The following GBE1 variants were observed in gnomAD, a reference collection of about 807,000 sequenced individuals.
GBE1 encodes the protein 1,4-alpha-glucan branching enzyme 1, also known as 1,4-alpha-glucan-branching enzyme.
A neutral mutation model predicts 88.8 loss-of-function variants in GBE1; 70 were observed. The observed-to-expected ratio is 0.79, with a 90% CI of 0.65 to 0.96. The LOEUF is 0.96. GBE1 is among the 40% of genes least tolerant of loss of function. GBE1 has a pLI of 0.00. For synonymous variants in GBE1, 284 were observed against 300.1 expected (o/e 0.95, Z 0.56); for missense variants, 872 against 871.0 (o/e 1.00, Z -0.01).
intron 1 of GBE1, among the ~76,000 whole-genome samples, chr3:81,716,903 C>T (rs562828850): frequency 5.9e-5 from 9 of 152,270 alleles, no homozygotes; most frequent in African/African-American, 2.2e-4. Context: ...GCCTAACAAA[C>T]GCTCACACAT....
chr3:81,581,653 GT>G lies in GBE1; in HGVS notation c.1336-379del, dbSNP rs373650569. Among the ~76,000 whole-genome samples the G allele has an allele frequency of 3.3e-3, 506 of 152,008 alleles. 2 individuals are homozygous for G. The highest frequency in any genetic ancestry group is 0.012 in the African/African-American group (485 of 41,466). Reference sequence around the variant, plus strand: ...ACTTGTACATGGTAGAGATACACTTGTTATATTTATTTGTTTATATGAAAAA... The same window carrying G: ...ACTTGTACATGGTAGAGATACACTTGTATATTTATTTGTTTATATGAAAAA... On this transcript the variant is annotated intron_variant, in intron 10 of 15. Coordinates refer to ENST00000429644, the MANE Select transcript of GBE1 (RefSeq NM_000158.4).
At chr3:81,664,350 G>A (rs1021921528) in intron 3 of GBE1, among the ~76,000 whole-genome samples, 2 of 151,508 alleles carry the variant, frequency 1.3e-5, no homozygotes, top group South Asian at 4.2e-4. Context: ...CAAAGCTGGA[G>A]GCAGAACCTG....
intron 12 of GBE1, among the ~76,000 whole-genome samples, chr3:81,557,898 G>A (rs557263490): frequency 6.6e-6 from 1 of 152,006 alleles, no homozygotes; most frequent in African/African-American, 2.4e-5. Context: ...AACCTGAGGA[G>A]TCAAACTGAA....
intron 12 of GBE1, among the ~76,000 whole-genome samples, chr3:81,559,514 T>C (rs1346701784): frequency 6.6e-6 from 1 of 152,002 alleles, no homozygotes; most frequent in Non-Finnish European, 1.5e-5. Flanking sequence ...CAAATACTAT[T>C]GCATATCTGT....
At chr3:81,652,326 C>T (rs1383811546) in intron 3 of GBE1, among the ~76,000 whole-genome samples, 1 of 152,096 alleles carries the variant, frequency 6.6e-6, no homozygotes, top group South Asian at 2.1e-4. Flanking sequence ...GGGCCAGAAT[C>T]GACAATATGG....
chr3:81,556,052 T>C (rs1703343961), intron 12 of GBE1, among the ~76,000 whole-genome samples: 1 of 152,140 alleles, frequency 6.6e-6, no homozygotes, highest in Non-Finnish European at 1.5e-5. Flanking sequence ...CCTTACTTTG[T>C]ACAGTGAGAT....
chr3:81,719,541 A>C (rs1353876128), intron 1 of GBE1, among the ~76,000 whole-genome samples: 1 of 152,184 alleles, frequency 6.6e-6, no homozygotes, highest in Non-Finnish European at 1.5e-5. Context: ...ACAGTCAACA[A>C]AGAGAAAGAG....
chr3:81,714,751 T>C (rs185464427), intron 1 of GBE1, among the ~76,000 whole-genome samples: 1 of 152,298 alleles, frequency 6.6e-6, no homozygotes, highest in East Asian at 1.9e-4. Flanking sequence ...AAGCATTTAT[T>C]TCTTATAGTT....
intron 15 of GBE1, among the ~76,000 whole-genome samples, chr3:81,491,681 T>C (rs2639611): frequency 0.67 from 101,695 of 151,934 alleles, 34,879 homozygotes; most frequent in South Asian, 0.84. Flanking sequence ...TATTTTACTA[T>C]TTTCAGTCAC....
At chr3:81,644,172 A>G (rs1019734169) in intron 6 of GBE1, among the ~76,000 whole-genome samples, 1 of 152,202 alleles carries the variant, frequency 6.6e-6, no homozygotes, top group Non-Finnish European at 1.5e-5. Flanking sequence ...AGCGAAAAAA[A>G]TAAACACCAC....
intron 10 of GBE1, 65 bp downstream of exon 10, chr3:81,586,027 A>C (rs1298865273): frequency 3.3e-6 from 3 of 895,560 alleles, no homozygotes; most frequent in Non-Finnish European, 5.3e-6. Context: ...ACTAAGAAAT[A>C]AATTAAAGAT....
chr3:81,674,521 A>G (rs1176020492), intron 2 of GBE1, among the ~76,000 whole-genome samples: 1 of 151,968 alleles, frequency 6.6e-6, no homozygotes, highest in Non-Finnish European at 1.5e-5. Flanking sequence ...ACCTCAAATT[A>G]TTGGTATAAA....
intron 12 of GBE1, among the ~76,000 whole-genome samples, chr3:81,573,065 G>A (rs1186811608): frequency 2.0e-5 from 3 of 151,552 alleles, no homozygotes; most frequent in Non-Finnish European, 4.4e-5. Flanking sequence ...TTTTGAACAC[G>A]AAGCATACTT....
At chr3:81,760,740 C>G (rs1419999839) in intron 1 of GBE1, among the ~76,000 whole-genome samples, 1 of 152,188 alleles carries the variant, frequency 6.6e-6, no homozygotes, top group Non-Finnish European at 1.5e-5. Flanking sequence ...TCTCCCTCTT[C>G]AAGATGGTTA....
intron 1 of GBE1, among the ~76,000 whole-genome samples, chr3:81,751,710 C>A (rs1263514958): frequency 6.6e-6 from 1 of 152,114 alleles, no homozygotes; most frequent in African/African-American, 2.4e-5. Flanking sequence ...TCTTCACAAG[C>A]CTCTATTTCT....
At chr3:81,609,997 G>A (rs945443796) in intron 7 of GBE1, among the ~76,000 whole-genome samples, 7 of 152,156 alleles carry the variant, frequency 4.6e-5, no homozygotes, top group African/African-American at 1.7e-4. Flanking sequence ...AATCAATAAA[G>A]ATACAAATGT....
At chr3:81,668,760 A>G (rs1705149106) in intron 3 of GBE1, among the ~76,000 whole-genome samples, 1 of 152,182 alleles carries the variant, frequency 6.6e-6, no homozygotes, top group Non-Finnish European at 1.5e-5. Flanking sequence ...CCACCAAAAG[A>G]AGGAAAATCT....
intron 2 of GBE1, among the ~76,000 whole-genome samples, chr3:81,701,100 G>A (rs910966166): frequency 1.3e-5 from 2 of 152,114 alleles, no homozygotes; most frequent in African/African-American, 4.8e-5. Flanking sequence ...TAAAGAATGA[G>A]TCTTTGCTGT....
chr3:81,618,732 T>C (rs1244554662), intron 7 of GBE1, among the ~76,000 whole-genome samples: 1 of 152,190 alleles, frequency 6.6e-6, no homozygotes, highest in Non-Finnish European at 1.5e-5. Flanking sequence ...GAAATGAATT[T>C]AGGCCAACTC....
Sources: gnomAD v4.1 joint callset for allele counts (sites outside exome capture counted in the v4.1 genomes callset) on GRCh38, gnomAD v4.1.1 for gene constraint, MANE v1.5 for transcripts, NCBI Gene and HGNC (gene_info 2026-07-23, HGNC 2026-07-21) for gene names.